Variants in SCEL observed in about 807,000 individuals in gnomAD.
SCEL encodes the protein sciellin.
Under a neutral mutation model 117.6 loss-of-function variants are expected in SCEL, and 113 were observed. That is an observed-to-expected ratio of 0.96 (90% CI 0.83 to 1.12). SCEL has a LOEUF of 1.12. Ranked by LOEUF, SCEL falls within the 50% of genes most tolerant of loss-of-function variation. The pLI is 0.00. For missense variants in SCEL, 785 were observed against 810.8 expected, an observed-to-expected ratio of 0.97 and a Z score of 0.39; for synonymous variants, 270 against 256.2, an observed-to-expected ratio of 1.05 and a Z score of -0.51.
At chr13:77,593,607 T>C (rs1386857380) in intron 12 of SCEL, 34 bp downstream of exon 12, 2 of 1,555,756 alleles carry the variant, frequency 1.3e-6, no homozygotes, top group East Asian at 2.2e-5. Flanking sequence ...TTGGGTTTTA[T>C]CTTCCCTGGT....
chr13:77,565,456 T>A (rs2085236923), intron 5 of SCEL, among the ~76,000 whole-genome samples: 1 of 152,198 alleles, frequency 6.6e-6, no homozygotes, highest in Non-Finnish European at 1.5e-5. Flanking sequence ...ATTTACACAC[T>A]TTAGTGGTAT....
chr13:77,555,983 C>T (rs1167885343), intron 2 of SCEL, 65 bp downstream of exon 2: 1 of 1,219,980 alleles, frequency 8.2e-7, no homozygotes, highest in Admixed American at 1.7e-5. Flanking sequence ...ACTCACAGAT[C>T]TCAATTCTTT....
At chr13:77,556,223 A>G (rs1236854264) in intron 2 of SCEL, among the ~76,000 whole-genome samples, 3 of 152,164 alleles carry the variant, frequency 2.0e-5, no homozygotes, top group Non-Finnish European at 4.4e-5. Context: ...ATTGACTATT[A>G]CTATGTATTA....
At chr13:77,572,779 A>ATT (rs1191798586) in intron 9 of SCEL, among the ~76,000 whole-genome samples, 1 of 152,204 alleles carries the variant, frequency 6.6e-6, no homozygotes, top group Non-Finnish European at 1.5e-5. Flanking sequence ...AACTGAACTA[A>ATT]TTACATCTGC....
intron 19 of SCEL, among the ~76,000 whole-genome samples, chr13:77,604,919 G>A (rs754004048): frequency 2.6e-5 from 4 of 152,008 alleles, no homozygotes; most frequent in Admixed American, 1.3e-4. Flanking sequence ...GTGTGGATGT[G>A]TATATGTATG....
rs375250968 is a variant in SCEL at position 77,572,255 on chromosome 13, A to G, written c.545+66A>G. ...TGGAAGAACATGTCAGACATTGACA[A>G]CATATAATTGTGGATGTTTTGGGAT... is the stretch of plus-strand genomic sequence containing the variant. On this transcript the variant is annotated intron_variant, in intron 9 of 32. Coordinates refer to ENST00000349847, the MANE Select transcript of SCEL (RefSeq NM_144777.3). 23 of 1,251,860 alleles carry G rather than the reference A, an allele frequency of 1.8e-5. No individual in the cohort carries two copies. In the African/African-American group the frequency reaches 3.0e-4, roughly 16 times the overall value. 77.5% of individuals were successfully genotyped at this position (1,251,860 alleles called of 1,614,324 possible). A position where few individuals can be genotyped will look rare whatever the true frequency, so the allele number is the denominator to read the frequency against.
chr13:77,543,898 G>A (rs1593866718), intron 1 of SCEL, among the ~76,000 whole-genome samples: 1 of 152,212 alleles, frequency 6.6e-6, no homozygotes, highest in African/African-American at 2.4e-5. Flanking sequence ...TCCCAACTGG[G>A]CGATTCACTA....
intron 9 of SCEL, among the ~76,000 whole-genome samples, chr13:77,588,001 C>A (rs1237929152): frequency 6.6e-6 from 1 of 152,150 alleles, no homozygotes; most frequent in Non-Finnish European, 1.5e-5. Flanking sequence ...GACAGAGAGA[C>A]CTTCCCAGTC....
At chr13:77,614,615 C>G (rs1011613406) in intron 24 of SCEL, among the ~76,000 whole-genome samples, 1 of 151,878 alleles carries the variant, frequency 6.6e-6, no homozygotes, top group Admixed American at 6.6e-5. Flanking sequence ...TTTGTTGGTA[C>G]GTATACAAAT....
rs999287830 is a variant in SCEL, at chr13:77,568,303, C to A, written c.368C>A (p.Ser123Tyr). Residue 123 changes from serine (S) to tyrosine (Y), a missense_variant, in exon 7 of 33, where the codon TCC becomes TAC. Coordinates refer to ENST00000349847, the MANE Select transcript of SCEL (RefSeq NM_144777.3). The part of the protein sequence containing the change: ...LDNQLTNRSM[S>Y]MFRSLEVTKL... ...TCTTTCTCTCTTACCAGGAGCATGT[C>A]CATGTTTAGATCACTGGAAGTAACA... is the stretch of plus-strand genomic sequence containing the variant. 2 of 1,565,276 alleles carry A rather than the reference C, an allele frequency of 1.3e-6. No homozygotes were observed. The highest frequency in any genetic ancestry group is 2.3e-5 in the South Asian group (2 of 88,084).
intron 9 of SCEL, among the ~76,000 whole-genome samples, chr13:77,577,968 C>T (rs2086048656): frequency 6.6e-6 from 1 of 152,184 alleles, no homozygotes; most frequent in Non-Finnish European, 1.5e-5. Context: ...CTGCGCTAGC[C>T]TGTCCTTAGA....
intron 9 of SCEL, among the ~76,000 whole-genome samples, chr13:77,573,045 A>C (rs1051991960): frequency 6.6e-6 from 1 of 152,216 alleles, no homozygotes; most frequent in Non-Finnish European, 1.5e-5. Context: ...ATATTTTCTA[A>C]TTTTATTTTT....
chr13:77,591,311 C>T (rs2086853383), intron 10 of SCEL, 84 bp from the exon 11 acceptor site: 11 of 845,416 alleles, frequency 1.3e-5, no homozygotes, highest in Non-Finnish European at 1.9e-5. Context: ...TCTTTTTGTA[C>T]ATAAATTTTT....
intron 23 of SCEL, among the ~76,000 whole-genome samples, 167 bp from the exon 24 acceptor site, chr13:77,613,726 A>G (rs1186876423): frequency 6.6e-6 from 1 of 152,018 alleles, no homozygotes; most frequent in Admixed American, 6.6e-5. Context: ...TATTGATGTC[A>G]TTGAGTTGTT....
intron 9 of SCEL, among the ~76,000 whole-genome samples, chr13:77,588,458 G>C (rs905205963): frequency 6.6e-6 from 1 of 152,122 alleles, no homozygotes; most frequent in Non-Finnish European, 1.5e-5. Flanking sequence ...GGGTGGTAGT[G>C]GTGGGGAACA....
chr13:77,561,651 A>G (rs1265128054), intron 4 of SCEL, among the ~76,000 whole-genome samples: 1 of 152,258 alleles, frequency 6.6e-6, no homozygotes, highest in Non-Finnish European at 1.5e-5. Flanking sequence ...TGCATAGAAC[A>G]TAATCTTTGA....
chr13:77,632,940 G>T (rs527531567), intron 28 of SCEL, among the ~76,000 whole-genome samples: 1 of 152,278 alleles, frequency 6.6e-6, no homozygotes, highest in Admixed American at 6.5e-5. Flanking sequence ...TAGATATATT[G>T]TACATGGGAA....
At chr13:77,559,683 T>G in intron 3 of SCEL, 121 bp from the exon 4 acceptor site, 1 of 717,660 alleles carries the variant, frequency 1.4e-6, no homozygotes, top group East Asian at 2.6e-5. Flanking sequence ...TTCTCACAAC[T>G]GAAGTAAAAT....
At chr13:77,555,434 C>T (rs374386957) in intron 1 of SCEL, among the ~76,000 whole-genome samples, 8 of 152,292 alleles carry the variant, frequency 5.3e-5, no homozygotes, top group South Asian at 4.2e-4. Flanking sequence ...CTTCTTTGGG[C>T]GTTCACAGTG....
Sources: gnomAD v4.1 joint callset for allele counts (sites outside exome capture counted in the v4.1 genomes callset) on GRCh38, gnomAD v4.1.1 for gene constraint, MANE v1.5 for transcripts, NCBI Gene and HGNC (gene_info 2026-07-23, HGNC 2026-07-21) for gene names.